The following INTS14 variants were observed in gnomAD, a reference collection of about 807,000 sequenced individuals.
INTS14 encodes the protein UPF0464 protein C15orf44.
In INTS14, 27 loss-of-function variants were observed where a neutral mutation model predicts 56.9. The ratio of observed to expected loss-of-function variants is 0.47; its 90% confidence interval spans 0.35 to 0.65. The LOEUF (loss-of-function observed/expected upper bound fraction) is 0.65, where lower values mean the gene tolerates loss of function less well. INTS14 is among the 30% of genes least tolerant of loss of function. The probability of loss-of-function intolerance (pLI) is 0.00; values close to 1 mark genes in which losing one functional copy is unlikely to be tolerated. For missense variants in INTS14, 517 were observed against 632.2 expected, an observed-to-expected ratio of 0.82 and a Z score of 1.95; for synonymous variants, 207 against 236.2, an observed-to-expected ratio of 0.88 and a Z score of 1.13.
At chr15:65,584,490 C>G (rs970457833) in intron 10 of INTS14, among the ~76,000 whole-genome samples, 1 of 152,208 alleles carries the variant, frequency 6.6e-6, no homozygotes, top group African/African-American at 2.4e-5. Context: ...AGCCAAAACA[C>G]TCACATAAAG....
intron 1 of INTS14, 165 bp downstream of exon 1, chr15:65,610,933 G>T: frequency 6.8e-7 from 1 of 1,464,412 alleles, no homozygotes; most frequent in Non-Finnish European, 9.0e-7. Context: ...GGGGAGGCCG[G>T]GAGCAGCGCC....
intron 7 of INTS14, among the ~76,000 whole-genome samples, chr15:65,594,068 T>C (rs2073125670): frequency 6.6e-6 from 1 of 152,236 alleles, no homozygotes. Flanking sequence ...TTAGATGCTA[T>C]CTGGAAGCTT....
intron 11 of INTS14, among the ~76,000 whole-genome samples, chr15:65,580,373 CT>C (rs2072555872): frequency 6.6e-6 from 1 of 152,162 alleles, no homozygotes; most frequent in South Asian, 2.1e-4. Flanking sequence ...CTCTGACCAT[CT>C]TTCTACTATC....
rs145424731 is a variant in INTS14, at chr15:65,584,825, T to C, written c.1184A>G (p.Asn395Ser). The C allele has an allele frequency of 3.0e-5, 49 of 1,612,990 alleles. No individual in the cohort carries two copies. The African/African-American group carries it at 6.4e-4, about 21-fold the overall frequency. ...CACATTCTGGGCATAACTGCGTTTG[T>C]TTTTGGGCTGCAGGGGGAATGGACT... ...NKSPFPLQPK[N>S]KRSYAQNVTV... The change falls in exon 10 of 12, where the codon AAC (asparagine) becomes AGC (serine). Residue 395 changes from asparagine (N) to serine (S), a missense_variant. Coordinates refer to ENST00000313182, the MANE Select transcript of INTS14 (RefSeq NM_001394796.1).
At chr15:65,609,583 T>TA (rs1253532035) in intron 1 of INTS14, among the ~76,000 whole-genome samples, 2 of 152,184 alleles carry the variant, frequency 1.3e-5, no homozygotes, top group African/African-American at 2.4e-5. Context: ...GAACTACCCC[T>TA]AAATCACCAG....
Position 65,579,111 on chromosome 15 carries a change from G to T in INTS14, c.*297C>A. ...CCGGTCAGGTTTCCTGAGGAAGGCA[G>T]GGGTGCTCTATGCTCATCAGTCATT... On this transcript the variant is annotated 3_prime_UTR_variant, in exon 12 of 12. Coordinates refer to ENST00000313182, the MANE Select transcript of INTS14 (RefSeq NM_001394796.1). 1 of 265,756 alleles carries T rather than the reference G, an allele frequency of 3.8e-6. No homozygotes were observed. The highest frequency in any genetic ancestry group is 7.1e-6 in the Non-Finnish European group (1 of 140,660). 16.5% of individuals were successfully genotyped at this position (265,756 alleles called of 1,614,324 possible).
rs2072500128 is a variant in INTS14 at position 65,579,472 on chromosome 15, G to A, written c.1493C>T (p.Ala498Val). The change falls in exon 12 of 12, where the codon GCT becomes GTT. Residue 498 changes from alanine to valine, a missense_variant. Ala to Val is a moderately conservative substitution (Grantham distance 64). Transcript: ENST00000313182. ...CAAAGGTGTGATGTTCTGGTCATAA[G>A]CGGCATACTCAGAGGTGCCGGTACT... The part of the protein sequence containing the change: ...LASTGTSEYA[A>V]YDQNITPLHT... 1 of 1,614,250 alleles carries A rather than the reference G, an allele frequency of 6.2e-7. No homozygotes were observed. The highest frequency in any genetic ancestry group is 8.5e-7 in the Non-Finnish European group (1 of 1,180,050).
rs749768548 is a variant in INTS14, at chr15:65,581,970, G to T, written c.1289C>A (p.Thr430Lys). Reference protein sequence around the residue: ...LRNARKLPEKTQTFYKELNRL... With the variant: ...LRNARKLPEKKQTFYKELNRL... Reference sequence around the variant, plus strand: ...CTGTCTCACCTTATAGAATGTCTGTGTTTTTTCAGGTAGTTTCCTTGCATT... The same window carrying T: ...CTGTCTCACCTTATAGAATGTCTGTTTTTTTTCAGGTAGTTTCCTTGCATT... The change falls in exon 11 of 12, where the codon ACA becomes AAA. Residue 430 changes from threonine (T) to lysine (K), a missense_variant. Transcript: ENST00000313182. 1 of 1,612,258 alleles carries T rather than the reference G, an allele frequency of 6.2e-7. No homozygotes were observed. Among genetic ancestry groups the T allele is most frequent in the Non-Finnish European group, 8.5e-7 (1 of 1,179,478 alleles).
At chr15:65,609,572 TG>T (rs2073791509) in intron 1 of INTS14, among the ~76,000 whole-genome samples, 1 of 152,174 alleles carries the variant, frequency 6.6e-6, no homozygotes, top group Non-Finnish European at 1.5e-5. Context: ...TAACAACTGA[TG>T]AACTACCCCT....
intron 6 of INTS14, among the ~76,000 whole-genome samples, chr15:65,596,907 T>C (rs2073234010): frequency 6.6e-6 from 1 of 152,214 alleles, no homozygotes; most frequent in South Asian, 2.1e-4. Flanking sequence ...GGAGATTTGC[T>C]GTCCATACCT....
At chr15:65,588,832 T>C (rs1439681182) in intron 9 of INTS14, among the ~76,000 whole-genome samples, 1 of 149,600 alleles carries the variant, frequency 6.7e-6, no homozygotes, top group South Asian at 2.1e-4. Context: ...GTTTTATTAT[T>C]AATTGTTATT....
At chr15:65,610,904 A>T in intron 1 of INTS14, 194 bp downstream of exon 1, 1 of 1,466,244 alleles carries the variant, frequency 6.8e-7, no homozygotes, top group Non-Finnish European at 9.0e-7. Context: ...GGAGCTGGGG[A>T]CCCCGAGCCT....
In INTS14 at chr15:65,600,311, TAAAAC is replaced by T. The variant is rs559547171; in HGVS notation, c.331-387_331-383del. On this transcript the variant is annotated intron_variant, in intron 3 of 11. Transcript: ENST00000313182. ...AGGCAACAGAGAGACTCTGTCTTTT[TAAAAC>T]AAAACAAAACAAAACAAAACAAAAA... Among the ~76,000 whole-genome samples, 235 of 148,270 alleles carry T rather than the reference TAAAAC, an allele frequency of 1.6e-3. 2 individuals are homozygous for T. Among genetic ancestry groups the T allele is most frequent in the African/African-American group, 5.6e-3 (225 of 39,958 alleles).
intron 9 of INTS14, among the ~76,000 whole-genome samples, chr15:65,591,245 GAA>G (rs1345543044): frequency 3.3e-5 from 5 of 151,812 alleles, no homozygotes; most frequent in Non-Finnish European, 7.4e-5. Flanking sequence ...GAAAGCTACA[GAA>G]AAAAAGTTTC....
chr15:65,598,338 G>C lies in INTS14; in HGVS notation c.731C>G (p.Pro244Arg), dbSNP rs369534890. ...AAAGTTACCTGTGTTAATGACTTTA[G>C]GGATAGGATCAATTTCTTCATCTAC... is the stretch of plus-strand genomic sequence containing the variant. ...FVVDEEIDPI[P>R]KVINTDLEIV... Residue 244 changes from proline (P) to arginine (R), a missense_variant, in exon 6 of 12, where the codon CCT becomes CGT. Physicochemically the swap from Pro to Arg is moderately radical, Grantham distance 103 (BLOSUM62 -2). Transcript: ENST00000313182. 1.7e-5 allele frequency: 28 copies of C among 1,613,716 alleles called. No individual in the cohort carries two copies. The highest frequency in any genetic ancestry group is 2.2e-5 in the Non-Finnish European group (26 of 1,179,858).
chr15:65,579,656 G>A lies in INTS14; in HGVS notation c.1309C>T (p.Leu437=). ...PEKTQTFYKE[L]NRLRKAALAF... is the part of the protein sequence containing the mutation. ...AGAGCGGCCTTTCGCAAACGGTTCA[G>A]CTCCTGAAACAAGACAGAAAATCAC... The change falls in exon 12 of 12, where the codon CTG becomes TTG. Residue 437 remains leucine, a synonymous_variant. Coordinates refer to ENST00000313182, the MANE Select transcript of INTS14 (RefSeq NM_001394796.1). The A allele has an allele frequency of 1.9e-6, 3 of 1,611,378 alleles. No individual in the cohort carries two copies. Among genetic ancestry groups the A allele is most frequent in the Non-Finnish European group, 2.5e-6 (3 of 1,177,780 alleles).
Position 65,605,171 on chromosome 15 carries a change from G to C in INTS14, c.288C>G (p.Cys96Trp), listed in dbSNP as rs760218537. 2.5e-6 allele frequency: 4 copies of C among 1,614,096 alleles called. No individual in the cohort carries two copies. In the South Asian group the frequency reaches 4.4e-5, roughly 18 times the overall value. The change falls in exon 3 of 12, where the codon TGC becomes TGG. Residue 96 changes from cysteine to tryptophan, a missense_variant. By Grantham distance (215) the Cys-to-Trp change is radical. Coordinates refer to ENST00000313182, the MANE Select transcript of INTS14 (RefSeq NM_001394796.1). ...TCLESALVGV[C>W]NIVQQEWGGA... ...CACCCCATTCTTGCTGAACGATATT[G>C]CAAACACCAACTAATGCAGACTCCA...
intron 9 of INTS14, among the ~76,000 whole-genome samples, chr15:65,587,881 T>C (rs1049898613): frequency 2.0e-5 from 3 of 151,296 alleles, no homozygotes; most frequent in Non-Finnish European, 3.0e-5. Flanking sequence ...ACATGAGAGG[T>C]TGAGGTGGGA....
chr15:65,598,410 T>A lies in INTS14; in HGVS notation c.659A>T (p.His220Leu), dbSNP rs1386760635. 1 of 1,614,096 alleles carries A rather than the reference T, an allele frequency of 6.2e-7. No homozygotes were observed. Among genetic ancestry groups the A allele is most frequent in the South Asian group, 1.1e-5 (1 of 91,076 alleles). ...GAAGACTTGTACATCAGCAGTTAGG[T>A]GGCCACACTTGAGAACAGCATGGAA... is the stretch of plus-strand genomic sequence containing the variant. ...TPFHAVLKCG[H>L]LTADVQVFPR... The change falls in exon 6 of 12, where the codon CAC (histidine) becomes CTC (leucine). Residue 220 changes from histidine to leucine, a missense_variant. Coordinates refer to ENST00000313182, the MANE Select transcript of INTS14 (RefSeq NM_001394796.1).
Sources: gnomAD v4.1 joint callset for allele counts (sites outside exome capture counted in the v4.1 genomes callset) on GRCh38, gnomAD v4.1.1 for gene constraint, MANE v1.5 for transcripts, NCBI Gene and HGNC (gene_info 2026-07-23, HGNC 2026-07-21) for gene names.